GNG12: variants seen among roughly 807,000 people sequenced by gnomAD.
GNG12 encodes the protein guanine nucleotide-binding protein G(I)/G(S)/G(O) subunit gamma-12.
For missense variants in GNG12, 69 were observed against 83.8 expected (o/e 0.82, Z 0.69); for synonymous variants, 28 against 29.7 (o/e 0.94, Z 0.19).
intron 2 of GNG12, among the ~76,000 whole-genome samples, chr1:67,711,568 GGAA>G (rs1000072957): frequency 1.4e-4 from 21 of 152,124 alleles, no homozygotes; most frequent in African/African-American, 4.8e-4. Flanking sequence ...AGCAGCCCTC[GGAA>G]GAAGAGGTGA....
At chr1:67,810,477 G>A (rs986313503) in intron 1 of GNG12, among the ~76,000 whole-genome samples, 5 of 152,168 alleles carry the variant, frequency 3.3e-5, no homozygotes, top group African/African-American at 9.7e-5. Flanking sequence ...TGTGGGATGT[G>A]GATAGTGGAG....
At position 67,758,389 on chromosome 1, in the gene GNG12, C is replaced by T. The variant is rs545446241; in HGVS notation, c.-27+19069G>A. 1.4e-4 allele frequency among the ~76,000 whole-genome samples: 22 copies of T among 152,352 alleles called. No individual in the cohort carries two copies. The South Asian group carries it at 2.1e-3, about 14-fold the overall frequency. ...ATGTGGCCTGGGTCCTGCTATCCCT[C>T]CTCAGACCTAGTATTTCGCCATGAC... On this transcript the variant is annotated intron_variant, in intron 2 of 3. Coordinates refer to ENST00000370982, the MANE Select transcript of GNG12 (RefSeq NM_018841.6).
intron 1 of GNG12, among the ~76,000 whole-genome samples, chr1:67,808,542 T>C (rs1646906198): frequency 6.6e-6 from 1 of 152,006 alleles, no homozygotes; most frequent in South Asian, 2.1e-4. Flanking sequence ...AACATCTATG[T>C]AAAAAATCTG....
At chr1:67,712,332 C>T (rs935340968) in intron 2 of GNG12, among the ~76,000 whole-genome samples, 6 of 152,188 alleles carry the variant, frequency 3.9e-5, no homozygotes, top group African/African-American at 1.4e-4. Flanking sequence ...TTCCATGAAG[C>T]CTCACTATAA....
chr1:67,747,773 T>C (rs1055699097), intron 2 of GNG12, among the ~76,000 whole-genome samples: 1 of 152,216 alleles, frequency 6.6e-6, no homozygotes, highest in African/African-American at 2.4e-5. Flanking sequence ...GTGGGTAGCA[T>C]CATGTGTGGA....
intron 1 of GNG12, among the ~76,000 whole-genome samples, chr1:67,827,618 G>T (rs186708021): frequency 2.0e-5 from 3 of 151,888 alleles, no homozygotes; most frequent in Non-Finnish European, 4.4e-5. Context: ...GTAGAGACGG[G>T]GTTTCATCAT....
chr1:67,710,064 T>TTATATATATAGTTA (rs1646281144), intron 2 of GNG12, among the ~76,000 whole-genome samples: 1 of 38,980 alleles, frequency 2.6e-5, no homozygotes. Context: ...ATATATATAG[T>TTATATATATAGTTA]TATATATATA....
intron 1 of GNG12, among the ~76,000 whole-genome samples, chr1:67,802,181 G>A (rs966401375): frequency 5.9e-5 from 9 of 152,276 alleles, no homozygotes; most frequent in African/African-American, 2.2e-4. Flanking sequence ...GGCCAAGGAG[G>A]CTGGTACTGT....
At chr1:67,766,612 T>C (rs1423916493) in intron 2 of GNG12, among the ~76,000 whole-genome samples, 1 of 151,832 alleles carries the variant, frequency 6.6e-6, no homozygotes, top group Non-Finnish European at 1.5e-5. Flanking sequence ...GGTGTTTTTT[T>C]TTTTTTTTTC....
At chr1:67,744,466 G>A (rs918869180) in intron 2 of GNG12, among the ~76,000 whole-genome samples, 1 of 152,134 alleles carries the variant, frequency 6.6e-6, no homozygotes, top group South Asian at 2.1e-4. Context: ...CTGTGCTCGG[G>A]CACTTCTTTA....
chr1:67,824,304 G>A (rs1487758991), intron 1 of GNG12, among the ~76,000 whole-genome samples: 1 of 152,002 alleles, frequency 6.6e-6, no homozygotes, highest in African/African-American at 2.4e-5. Flanking sequence ...GAGTCTAGGA[G>A]TTCGAGACCA....
chr1:67,737,740 A>G (rs1646460429), intron 2 of GNG12, among the ~76,000 whole-genome samples: 1 of 152,202 alleles, frequency 6.6e-6, no homozygotes, highest in Non-Finnish European at 1.5e-5. Flanking sequence ...ATTAATTGCA[A>G]CAACATCTTC....
intron 1 of GNG12, among the ~76,000 whole-genome samples, chr1:67,823,426 T>C (rs956536703): frequency 3.3e-5 from 5 of 152,194 alleles, no homozygotes; most frequent in African/African-American, 1.2e-4. Flanking sequence ...CACTGACAAT[T>C]TGGCAGCCCA....
At chr1:67,828,924 C>T (rs1647026707) in intron 1 of GNG12, among the ~76,000 whole-genome samples, 1 of 152,158 alleles carries the variant, frequency 6.6e-6, no homozygotes, top group African/African-American at 2.4e-5. Context: ...AAAGTTGGTG[C>T]TTTTTCCAAA....
At position 67,734,087 on chromosome 1, in the gene GNG12, C is replaced by T. The variant is rs182478343; in HGVS notation, c.-26-26375G>A. ...AGAATGTTCTTTTTGCAGATTCTGCCGGGGCCACCCACAGTGTGTGGCTAA... is the reference window on the plus strand; with the variant it reads ...AGAATGTTCTTTTTGCAGATTCTGCTGGGGCCACCCACAGTGTGTGGCTAA... On this transcript the variant is annotated intron_variant, in intron 2 of 3. Transcript: ENST00000370982. Among the ~76,000 whole-genome samples the T allele has an allele frequency of 1.9e-3, 291 of 152,050 alleles. 1 individual carries two copies. The highest frequency in any genetic ancestry group is 5.8e-3 in the African/African-American group (242 of 41,480).
chr1:67,816,145 T>A (rs765683781), intron 1 of GNG12, among the ~76,000 whole-genome samples: 3 of 152,238 alleles, frequency 2.0e-5, no homozygotes, highest in Admixed American at 6.5e-5. Flanking sequence ...TTTTCTTTTC[T>A]TCTAATGAAA....
intron 2 of GNG12, among the ~76,000 whole-genome samples, chr1:67,709,319 C>G (rs1168981790): frequency 7.2e-5 from 11 of 152,170 alleles, no homozygotes. Context: ...CCTGTTTGTT[C>G]TGCACCTCCC....
chr1:67,768,911 A>G (rs1005887141), intron 2 of GNG12, among the ~76,000 whole-genome samples: 4 of 152,320 alleles, frequency 2.6e-5, no homozygotes, highest in South Asian at 2.1e-4. Context: ...GAGAATATAG[A>G]TGAACAGTCC....
At chr1:67,795,667 T>C (rs913609210) in intron 1 of GNG12, among the ~76,000 whole-genome samples, 1 of 152,222 alleles carries the variant, frequency 6.6e-6, no homozygotes, top group South Asian at 2.1e-4. Context: ...ACAAGGTTTA[T>C]AGCAAATATG....
Sources: gnomAD v4.1 joint callset for allele counts (sites outside exome capture counted in the v4.1 genomes callset) on GRCh38, gnomAD v4.1.1 for gene constraint, MANE v1.5 for transcripts, NCBI Gene and HGNC (gene_info 2026-07-23, HGNC 2026-07-21) for gene names.